The following MITD1 variants were observed in gnomAD, a reference collection of about 807,000 sequenced individuals.
MITD1 encodes microtubule interacting and trafficking domain containing 1.
In MITD1, 24 loss-of-function variants were observed where a neutral mutation model predicts 34.9. The ratio of observed to expected loss-of-function variants is 0.69; its 90% CI spans 0.50 to 0.97. MITD1 has a LOEUF of 0.97. Among genes scored for constraint, MITD1 ranks in the 50% least tolerant of loss-of-function variants. MITD1 has a pLI of 0.00. For synonymous variants in MITD1, 102 were observed against 101.4 expected, an observed-to-expected ratio of 1.01 and a Z score of -0.04; for missense variants, 266 against 294.6, an observed-to-expected ratio of 0.90 and a Z score of 0.71.
At chr2:99,172,490 AGACTG>A (rs2093864413) in intron 2 of MITD1, 1 of 152,182 alleles carries the variant, frequency 6.6e-6, no homozygotes, top group Non-Finnish European at 1.5e-5. Flanking sequence ...AATAAGCTAA[AGACTG>A]GGATGTCACA....
chr2:99,166,858 A>AATAAATATATATATAT (rs2093829303), downstream of MITD1, among the ~76,000 whole-genome samples: 1 of 115,422 alleles, frequency 8.7e-6, no homozygotes, highest in Non-Finnish European at 1.8e-5. Flanking sequence ...TGGGGTTTTA[A>AATAAATATATATATAT]ATATATATAT....
At chr2:99,175,524 T>C (rs2093882059) in intron 1 of MITD1, among the ~76,000 whole-genome samples, 1 of 152,256 alleles carries the variant, frequency 6.6e-6, no homozygotes, top group African/African-American at 2.4e-5. Flanking sequence ...GTCTTACTGC[T>C]GATGATATTA....
chr2:99,178,638 G>A (rs2093899669), intron 1 of MITD1, among the ~76,000 whole-genome samples: 1 of 152,194 alleles, frequency 6.6e-6, no homozygotes, highest in African/African-American at 2.4e-5. Flanking sequence ...GCCTCACAAA[G>A]AAGGTGGTAT....
intron 1 of MITD1, among the ~76,000 whole-genome samples, chr2:99,179,942 T>C (rs1353292711): frequency 6.6e-6 from 1 of 152,170 alleles, no homozygotes; most frequent in Non-Finnish European, 1.5e-5. Flanking sequence ...TGTAACACTT[T>C]AATTATAAGA....
downstream of MITD1, among the ~76,000 whole-genome samples, chr2:99,165,151 G>A (rs1376388403): frequency 6.6e-6 from 1 of 151,822 alleles, no homozygotes; most frequent in Non-Finnish European, 1.5e-5. Context: ...CACTGCAACT[G>A]CTGCCTAGTG....
At chr2:99,165,061 C>CACACACACACACAT (rs370053233), downstream of MITD1, among the ~76,000 whole-genome samples, 90 of 135,266 alleles carry the variant, frequency 6.7e-4, 1 homozygote, top group East Asian at 2.0e-3. Flanking sequence ...CACACACACA[C>CACACACACACACAT]ATATATATAT....
intron 1 of MITD1, among the ~76,000 whole-genome samples, chr2:99,174,546 T>C (rs1375495773): frequency 6.6e-6 from 1 of 152,140 alleles, no homozygotes; most frequent in Non-Finnish European, 1.5e-5. Context: ...GTTCCTTCCC[T>C]TTTTTCCTTT....
At chr2:99,169,524 C>CATTT in intron 6 of MITD1, 26 bp downstream of exon 6, 3 of 1,601,958 alleles carry the variant, frequency 1.9e-6, no homozygotes, top group Non-Finnish European at 2.6e-6. Flanking sequence ...CAGTGCTACA[C>CATTT]ATTTACTCAT....
At chr2:99,170,141 G>T (rs1451882259) in intron 5 of MITD1, among the ~76,000 whole-genome samples, 1 of 152,180 alleles carries the variant, frequency 6.6e-6, no homozygotes, top group Non-Finnish European at 1.5e-5. Context: ...TCAGCAAATT[G>T]TCATGCCTAC....
intron 7 of MITD1, among the ~76,000 whole-genome samples, chr2:99,164,172 C>T (rs1388318864): frequency 6.6e-6 from 1 of 152,092 alleles, no homozygotes; most frequent in Non-Finnish European, 1.5e-5. Flanking sequence ...GGTTGAGTTC[C>T]CCTCATTCTT....
intron 7 of MITD1, chr2:99,162,737 T>C (rs1440086223): frequency 1.2e-6 from 2 of 1,613,994 alleles, no homozygotes; most frequent in African/African-American, 1.3e-5. Flanking sequence ...CTGGAATAAA[T>C]AGCAAAGCCA....
At chr2:99,173,466 C>T (rs1318775649) in intron 2 of MITD1, 5 of 470,200 alleles carry the variant, frequency 1.1e-5, no homozygotes, top group South Asian at 7.8e-5. Context: ...TGATTCACAA[C>T]AAAATCTGAG....
At position 99,172,236 on chromosome 2, in the gene MITD1, A is replaced by G. The variant is rs982895833; in HGVS notation, c.254-590T>C. 2.6e-5 allele frequency: 4 copies of G among 152,280 alleles called. No individual in the cohort carries two copies. In the East Asian group the frequency reaches 7.8e-4, roughly 30 times the overall value. 9.4% of individuals were successfully genotyped at this position (152,280 alleles called of 1,614,324 possible). A position where few individuals can be genotyped will look rare whatever the true frequency, so the allele number is the denominator to read the frequency against. On this transcript the variant is annotated intron_variant, in intron 2 of 6. Coordinates refer to ENST00000289359, the MANE Select transcript of MITD1 (RefSeq NM_138798.3). ...AACCCCAGCTCTACTAAAAATATAAAAAGTAGCCAGGCATGATGTCAGGTG... is the reference window on the plus strand; with the variant it reads ...AACCCCAGCTCTACTAAAAATATAAGAAGTAGCCAGGCATGATGTCAGGTG...
intron 1 of MITD1, 120 bp from the exon 2 acceptor site, chr2:99,174,136 A>C: frequency 3.4e-6 from 2 of 594,690 alleles, no homozygotes; most frequent in Non-Finnish European, 5.8e-6. Context: ...GGCTTGCCTC[A>C]GTCCTCAAAC....
Position 99,169,418 on chromosome 2 carries a change from G to A in MITD1, c.707C>T (p.Thr236Ile). The part of the protein sequence containing the change: ...CDFDLRPCHE[T>I]TVDIFHKKHT... ...CTTCTTATGAAAAATGTCTACTGTT[G>A]TTTCATGACATGGTCTTAAATCAAA... Residue 236 changes from threonine to isoleucine, a missense_variant, in exon 7 of 7, where the codon ACA becomes ATA. By Grantham distance (89) the Thr-to-Ile change is moderately conservative (BLOSUM62 -1). Coordinates refer to ENST00000289359, the MANE Select transcript of MITD1 (RefSeq NM_138798.3). 7.8e-7 allele frequency: 1 copy of A among 1,287,582 alleles called. No individual in the cohort carries two copies. Among genetic ancestry groups the A allele is most frequent in the Non-Finnish European group, 1.1e-6 (1 of 935,242 alleles). 79.8% of individuals were successfully genotyped at this position (1,287,582 alleles called of 1,614,324 possible).
intron 1 of MITD1, among the ~76,000 whole-genome samples, chr2:99,179,567 T>C (rs1427560435): frequency 6.6e-6 from 1 of 152,124 alleles, no homozygotes; most frequent in Non-Finnish European, 1.5e-5. Flanking sequence ...TTTACAGTTA[T>C]TTTTTCTTTT....
chr2:99,169,850 A>C (rs1203183513), intron 5 of MITD1, among the ~76,000 whole-genome samples: 1 of 152,226 alleles, frequency 6.6e-6, no homozygotes, highest in Non-Finnish European at 1.5e-5. Context: ...GCTTGTTGAT[A>C]AAACTTTTTC....
downstream of MITD1, among the ~76,000 whole-genome samples, chr2:99,165,111 A>G (rs1400343265): frequency 1.3e-5 from 2 of 151,826 alleles, no homozygotes; most frequent in African/African-American, 2.4e-5. Context: ...TCTGTCACCT[A>G]GGCTGGAATA....
At chr2:99,180,679 G>T in intron 1 of MITD1, 152 bp downstream of exon 1, 1 of 675,814 alleles carries the variant, frequency 1.5e-6, no homozygotes, top group Non-Finnish European at 2.6e-6. Flanking sequence ...AAAAGAAAGC[G>T]GCCCAGTTGT....
Sources: gnomAD v4.1 joint callset for allele counts (sites outside exome capture counted in the v4.1 genomes callset) on GRCh38, gnomAD v4.1.1 for gene constraint, MANE v1.5 for transcripts, NCBI Gene and HGNC (gene_info 2026-07-23, HGNC 2026-07-21) for gene names.